Variants in PIAS1 observed in about 807,000 individuals in gnomAD.
PIAS1 encodes the protein E3 SUMO-protein ligase PIAS1.
In PIAS1, 6 loss-of-function variants were observed where a neutral mutation model predicts 71.3. The ratio of observed to expected loss-of-function variants is 0.08; its 90% confidence interval spans 0.05 to 0.17. The LOEUF (loss-of-function observed/expected upper bound fraction) is 0.17. Among genes scored for constraint, PIAS1 ranks in the 10% least tolerant of loss-of-function variants. The probability of loss-of-function intolerance (pLI) is 1.00; values close to 1 mark genes in which losing one functional copy is unlikely to be tolerated. For missense variants in PIAS1, 555 were observed against 793.6 expected, an observed-to-expected ratio of 0.70 and a Z score of 3.61; for synonymous variants, 303 against 292.9, an observed-to-expected ratio of 1.03 and a Z score of -0.35.
chr15:68,191,836 A>T lies in PIAS1; in HGVS notation c.*4001A>T, dbSNP rs1008628583. On this transcript the variant is annotated 3_prime_UTR_variant, in exon 14 of 14. Coordinates refer to ENST00000249636, the MANE Select transcript of PIAS1 (RefSeq NM_016166.3). ...CAGCCCTTCCTCGGGTAGAGGTTTG[A>T]ATCAAACACTTAATAGGATCTTAGA... is the stretch of plus-strand genomic sequence containing the variant. 8 of 152,214 alleles carry T rather than the reference A, an allele frequency of 5.3e-5. No individual in the cohort carries two copies. The highest frequency in any genetic ancestry group is 1.9e-4 in the African/African-American group (8 of 41,446). The allele number at this position is 152,214 out of a possible 1,614,324, so 9.4% of individuals were successfully genotyped here.
At chr15:68,088,152 T>C (rs562781091) in intron 2 of PIAS1, among the ~76,000 whole-genome samples, 2 of 96,054 alleles carry the variant, frequency 2.1e-5, no homozygotes, top group East Asian at 6.7e-4. Flanking sequence ...ATGCATCTTT[T>C]CTTGTCTGTC....
intron 6 of PIAS1, 44 bp from the exon 7 acceptor site, chr15:68,153,546 T>G: frequency 1.2e-6 from 1 of 857,346 alleles, no homozygotes; most frequent in Non-Finnish European, 1.9e-6. Context: ...GATGTACTAT[T>G]TACTTACATA....
chr15:68,084,135 A>G (rs192373561), intron 1 of PIAS1, among the ~76,000 whole-genome samples: 40 of 152,332 alleles, frequency 2.6e-4, no homozygotes, highest in Non-Finnish European at 4.7e-4. Flanking sequence ...TACCTATGGA[A>G]TAAAGACAAA....
Position 68,145,798 on chromosome 15 carries a change from T to C in PIAS1, c.603-18T>C, listed in dbSNP as rs773447667. Reference sequence around the variant, plus strand: ...CATCCTTTAATAAAGGAAATTAAACTTGTCCTTTATTGTTTAGGTTTTGTT... The same window carrying C: ...CATCCTTTAATAAAGGAAATTAAACCTGTCCTTTATTGTTTAGGTTTTGTT... On this transcript the variant is annotated intron_variant, in intron 4 of 13. Coordinates refer to ENST00000249636, the MANE Select transcript of PIAS1 (RefSeq NM_016166.3). 7.1e-7 allele frequency: 1 copy of C among 1,404,498 alleles called. No homozygotes were observed. Among genetic ancestry groups the C allele is most frequent in the South Asian group, 1.2e-5 (1 of 86,462 alleles). 87.0% of individuals were successfully genotyped at this position (1,404,498 alleles called of 1,614,324 possible).
chr15:68,160,204 A>T (rs1042378363), intron 7 of PIAS1, among the ~76,000 whole-genome samples: 6 of 151,646 alleles, frequency 4.0e-5, no homozygotes, highest in Non-Finnish European at 8.8e-5. Context: ...AGTCACAAAC[A>T]CTCTCTTCTA....
Position 68,088,176 on chromosome 15 carries a change from G to GTGTGTATATATATATATATATATA in PIAS1, c.469+1427_469+1428insGTGTATATATATATATATATATAT, listed in dbSNP as rs150997979. 7.8e-4 allele frequency among the ~76,000 whole-genome samples: 57 copies of GTGTGTATATATATATATATATATA among 72,970 alleles called. 1 individual carries two copies. The highest frequency in any genetic ancestry group is 2.2e-3 in the East Asian group (3 of 1,370). 47.9% of individuals were successfully genotyped at this position (72,970 alleles called of 152,430 possible). A position where few individuals can be genotyped will look rare whatever the true frequency, so the allele number is the denominator to read the frequency against. On this transcript the variant is annotated intron_variant, in intron 2 of 13. Transcript: ENST00000249636. ...TTCTTGTCTGTCTGATTATGTGTGTGTATATATATATATATATATATATAT... is the reference window on the plus strand; with the variant it reads ...TTCTTGTCTGTCTGATTATGTGTGTGTGTGTATATATATATATATATATATATATATATATATATATATATATAT...
At position 68,181,240 on chromosome 15, in the gene PIAS1, C is replaced by G; in HGVS notation, c.1510C>G (p.Pro504Ala). 6.2e-7 allele frequency: 1 copy of G among 1,613,564 alleles called. No homozygotes were observed. The change falls in exon 12 of 14, where the codon CCA becomes GCA. Residue 504 changes from proline to alanine, a missense_variant. Pro to Ala is a conservative substitution (Grantham distance 27). Around this residue, in one of 5 missense-constraint regions of PIAS1, gnomAD observed 244 missense variants for 307.5 expected, o/e 0.79. Coordinates refer to ENST00000249636, the MANE Select transcript of PIAS1 (RefSeq NM_016166.3). The stretch of plus-strand genomic sequence containing the variant: ...TTTAAGTCTTCCACATCAAGCATCT[C>G]CAGTATCCCGCACCCCAAGCCTTCC... ...GILSLPHQAS[P>A]VSRTPSLPAV...
chr15:68,114,029 TAC>T (rs58536041), intron 2 of PIAS1, among the ~76,000 whole-genome samples: 26,128 of 125,150 alleles, frequency 0.21, 2,609 homozygotes, highest in African/African-American at 0.3. Flanking sequence ...ATATATTTCA[TAC>T]ACACACACAC....
At chr15:68,081,474 A>G (rs1417441845) in intron 1 of PIAS1, among the ~76,000 whole-genome samples, 1 of 152,160 alleles carries the variant, frequency 6.6e-6, no homozygotes, top group East Asian at 1.9e-4. Context: ...ATTGTCTCTC[A>G]TTTAAGGAAA....
intron 1 of PIAS1, among the ~76,000 whole-genome samples, chr15:68,083,306 G>A (rs1323551595): frequency 6.6e-6 from 1 of 152,108 alleles, no homozygotes; most frequent in Non-Finnish European, 1.5e-5. Context: ...TCTGTTGAAA[G>A]ATGCTTCAGT....
chr15:68,091,772 A>G (rs1014075101), intron 2 of PIAS1, among the ~76,000 whole-genome samples: 1 of 152,194 alleles, frequency 6.6e-6, no homozygotes, highest in Non-Finnish European at 1.5e-5. Context: ...TAGCTGACAT[A>G]ACATCTAACA....
At position 68,067,856 on chromosome 15, in the gene PIAS1, C is replaced by G. The variant is rs764194868; in HGVS notation, c.24+13506C>G. Among the ~76,000 whole-genome samples, 3 of 152,154 alleles carry G rather than the reference C, an allele frequency of 2.0e-5. No individual in the cohort carries two copies. In the South Asian group the frequency reaches 6.2e-4, roughly 31 times the overall value. ...GCCTTCCTTTGTGCACCCTCATCCTCTCTTCCCCATTTCTTCTAGGTAACT... is the reference window on the plus strand; with the variant it reads ...GCCTTCCTTTGTGCACCCTCATCCTGTCTTCCCCATTTCTTCTAGGTAACT... On this transcript the variant is annotated intron_variant, in intron 1 of 13. Transcript: ENST00000249636.
In PIAS1 at chr15:68,158,512, A is replaced by T. The variant is rs553426644; in HGVS notation, c.934+4817A>T. Reference sequence around the variant, plus strand: ...ATCAGAGTGCATTAGAGATGATCTCACTGAACATCTTTACCCTCTACTAGA... The same window carrying T: ...ATCAGAGTGCATTAGAGATGATCTCTCTGAACATCTTTACCCTCTACTAGA... On this transcript the variant is annotated intron_variant, in intron 7 of 13. Transcript: ENST00000249636. 6.6e-5 allele frequency among the ~76,000 whole-genome samples: 10 copies of T among 152,282 alleles called. No individual in the cohort carries two copies. In the South Asian group the frequency reaches 1.5e-3, roughly 22 times the overall value.
At chr15:68,071,132 T>C (rs941376918) in intron 1 of PIAS1, among the ~76,000 whole-genome samples, 2 of 152,100 alleles carry the variant, frequency 1.3e-5, no homozygotes, top group South Asian at 2.1e-4. Context: ...TTGAGGCTTA[T>C]TTTCATTGAG....
At chr15:68,059,530 T>G (rs1001771380) in intron 1 of PIAS1, among the ~76,000 whole-genome samples, 20 of 151,414 alleles carry the variant, frequency 1.3e-4, no homozygotes, top group Non-Finnish European at 2.5e-4. Context: ...ACCAAGATAG[T>G]GAAACCCCGT....
At chr15:68,081,357 GT>G (rs1236193198) in intron 1 of PIAS1, among the ~76,000 whole-genome samples, 1 of 151,996 alleles carries the variant, frequency 6.6e-6, no homozygotes, top group African/African-American at 2.4e-5. Context: ...AAATAGCCAG[GT>G]TATTGCCCAG....
In PIAS1 at chr15:68,186,313, C is replaced by A. The variant is rs531603653; in HGVS notation, c.1663-1229C>A. ...GCCTAGGCTAATGTGTTGTGTGTGT[C>A]ATTTTTAACAAAAAAGTTAAAAAGT... On this transcript the variant is annotated intron_variant, in intron 13 of 13. Transcript: ENST00000249636. This position sits in a 1 kb window ranked among gnomAD's most constrained non-coding sequence, Gnocchi z 4.4. Among the ~76,000 whole-genome samples, 1 of 152,110 alleles carries A rather than the reference C, an allele frequency of 6.6e-6. No individual in the cohort carries two copies. Among genetic ancestry groups the A allele is most frequent in the Admixed American group, 6.5e-5 (1 of 15,276 alleles).
chr15:68,072,659 T>C (rs1047531520), intron 1 of PIAS1, among the ~76,000 whole-genome samples: 2 of 152,206 alleles, frequency 1.3e-5, no homozygotes, highest in Non-Finnish European at 2.9e-5. Flanking sequence ...CTTAATGTTA[T>C]GCCTTCCTTT....
chr15:68,108,788 AGTTTCATTAGTTAGGATGTTT>A (rs1489931706), intron 2 of PIAS1, among the ~76,000 whole-genome samples: 1 of 152,056 alleles, frequency 6.6e-6, no homozygotes, highest in Non-Finnish European at 1.5e-5. Context: ...GTTATGTTCC[AGTTTCATTAGTTAGGATGTTT>A]TATTGGCTCC....
Sources: allele counts gnomAD v4.1 joint callset (sites outside exome capture counted in the v4.1 genomes callset), GRCh38; gene constraint gnomAD v4.1.1; regional missense constraint gnomAD v4.1.1; non-coding constraint Gnocchi (gnomAD v3.1); transcripts MANE v1.5; gene names NCBI Gene and HGNC (gene_info 2026-07-23, HGNC 2026-07-21).